Variants in FAT4 observed in about 807,000 individuals in gnomAD.
FAT4 encodes the protein protocadherin Fat 4.
FAT4 carries 84 observed loss-of-function variants against 303.9 expected under a neutral mutation model. That is an observed-to-expected ratio of 0.28 (90% CI 0.23 to 0.33). The LOEUF is 0.33. FAT4 is among the 10% of genes least tolerant of loss of function. The pLI is 1.00. For missense variants in FAT4, 6,005 were observed against 6,146.8 expected, an observed-to-expected ratio of 0.98 and a Z score of 0.77; for synonymous variants, 2,307 against 2,298.8, an observed-to-expected ratio of 1.00 and a Z score of -0.10.
intron 2 of FAT4, among the ~76,000 whole-genome samples, chr4:125,385,710 A>G (rs1488310746): frequency 6.6e-6 from 1 of 152,008 alleles, no homozygotes; most frequent in African/African-American, 2.4e-5. Context: ...TTTTTCCATT[A>G]CTCTGGAGTC....
intron 5 of FAT4, among the ~76,000 whole-genome samples, chr4:125,411,258 C>A (rs530085001): frequency 9.2e-5 from 14 of 151,998 alleles, no homozygotes; most frequent in African/African-American, 3.4e-4. Flanking sequence ...AAACATAAAT[C>A]AGATCTTTTA....
Position 125,449,419 on chromosome 4 carries a change from T to C in FAT4, c.8409T>C (p.Ile2803=), listed in dbSNP as rs1161792240. ...GTGTCACAACTTCTGATGAAGACAT[T>C]GGGATCAATGCAATTAGTAGATATT... ...VTRVTTSDED[I]GINAISRYSI... Residue 2803 remains isoleucine (I), a synonymous_variant, in exon 10 of 18, where the codon ATT becomes ATC. Coordinates refer to ENST00000394329, the MANE Select transcript of FAT4 (RefSeq NM_001291303.3). 6.2e-7 allele frequency: 1 copy of C among 1,613,822 alleles called. No homozygotes were observed. The highest frequency in any genetic ancestry group is 1.1e-5 in the South Asian group (1 of 91,058).
chr4:125,329,706 CCTAA>C (rs376525512), intron 2 of FAT4, among the ~76,000 whole-genome samples: 76 of 152,278 alleles, frequency 5.0e-4, no homozygotes, highest in Middle Eastern at 3.4e-3. Context: ...TGATTAGCTT[CCTAA>C]CTGATATTTT....
Position 125,415,271 on chromosome 4 carries a change from A to G in FAT4, c.6308A>G (p.Asp2103Gly), listed in dbSNP as rs112252276. The change falls in exon 6 of 18, where the codon GAT becomes GGT. Residue 2103 changes from aspartate (D) to glycine (G), a missense_variant. Transcript: ENST00000394329. ...AACAAGTTCAGTATTGGGACCATTG[A>G]TGGTGAAGTGAGGCTCACTGGAGAA... ...LGNKFSIGTI[D>G]GEVRLTGELD... 1.9e-6 allele frequency: 3 copies of G among 1,614,098 alleles called. No homozygotes were observed. The highest frequency in any genetic ancestry group is 2.5e-6 in the Non-Finnish European group (3 of 1,179,984).
chr4:125,440,733 C>G (rs1195963113), intron 8 of FAT4, among the ~76,000 whole-genome samples: 1 of 151,552 alleles, frequency 6.6e-6, no homozygotes, highest in Admixed American at 6.6e-5. Context: ...AATTTTGCAC[C>G]CATATTTATA....
chr4:125,459,713 C>G (rs1726417572), intron 10 of FAT4, among the ~76,000 whole-genome samples: 1 of 152,054 alleles, frequency 6.6e-6, no homozygotes, highest in Admixed American at 6.6e-5. Context: ...CAGCATACTT[C>G]CAAGCCTGAA....
At chr4:125,391,178 A>G (rs1365272273) in intron 2 of FAT4, among the ~76,000 whole-genome samples, 2 of 152,158 alleles carry the variant, frequency 1.3e-5, no homozygotes, top group African/African-American at 2.4e-5. Flanking sequence ...GTATATACCC[A>G]AAGGAATATA....
At chr4:125,443,909 T>C (rs1725743156) in intron 8 of FAT4, among the ~76,000 whole-genome samples, 1 of 152,172 alleles carries the variant, frequency 6.6e-6, no homozygotes, top group Admixed American at 6.6e-5. Context: ...TTTCTTCTAT[T>C]TTTAAAATTA....
chr4:125,481,129 ACAAAT>A (rs1727209663), intron 15 of FAT4, among the ~76,000 whole-genome samples: 1 of 152,198 alleles, frequency 6.6e-6, no homozygotes, highest in African/African-American at 2.4e-5. Flanking sequence ...ACTAAAGATT[ACAAAT>A]CATTTTAACC....
At chr4:125,385,038 T>TA (rs1733688714) in intron 2 of FAT4, among the ~76,000 whole-genome samples, 1 of 128,520 alleles carries the variant, frequency 7.8e-6, no homozygotes, top group African/African-American at 2.8e-5. Context: ...TTTTTTTTTT[T>TA]GAGATGGAGT....
At chr4:125,483,285 T>C (rs892609230) in intron 16 of FAT4, among the ~76,000 whole-genome samples, 1 of 152,088 alleles carries the variant, frequency 6.6e-6, no homozygotes, top group Non-Finnish European at 1.5e-5. Flanking sequence ...GTAAACAAAG[T>C]AAAGAAGCAA....
At chr4:125,391,632 G>T (rs1048501457) in intron 2 of FAT4, among the ~76,000 whole-genome samples, 4 of 151,966 alleles carry the variant, frequency 2.6e-5, no homozygotes, top group African/African-American at 9.7e-5. Context: ...CATGTATCCT[G>T]TTTTTCTTTT....
chr4:125,335,708 A>G (rs1731545552), intron 2 of FAT4, among the ~76,000 whole-genome samples: 1 of 151,656 alleles, frequency 6.6e-6, no homozygotes, highest in Non-Finnish European at 1.5e-5. Context: ...ATTCTTGAGT[A>G]CATCTGTTTT....
chr4:125,409,963 A>C (rs1289202135), intron 5 of FAT4, among the ~76,000 whole-genome samples: 1 of 152,136 alleles, frequency 6.6e-6, no homozygotes, highest in African/African-American at 2.4e-5. Flanking sequence ...GAATTGCCTT[A>C]TTCTTATGAC....
chr4:125,429,806 C>T (rs1725220614), intron 7 of FAT4, among the ~76,000 whole-genome samples: 1 of 152,184 alleles, frequency 6.6e-6, no homozygotes, highest in Non-Finnish European at 1.5e-5. Flanking sequence ...TCTTCAGTAA[C>T]TTGCAAGAGC....
intron 9 of FAT4, among the ~76,000 whole-genome samples, chr4:125,447,349 C>G (rs1295562542): frequency 6.6e-6 from 1 of 152,072 alleles, no homozygotes; most frequent in Admixed American, 6.6e-5. Flanking sequence ...AACAGATCCT[C>G]CTTTCAGTGA....
In FAT4 at chr4:125,319,108, T is replaced by C. The variant is rs1357110328; in HGVS notation, c.2697T>C (p.Ser899=). The C allele has an allele frequency of 1.2e-6, 2 of 1,613,660 alleles. No individual in the cohort carries two copies. The highest frequency in any genetic ancestry group is 1.7e-6 in the Non-Finnish European group (2 of 1,179,910). The part of the protein sequence containing the change: ...NSPHFLQAIE[S]VNVVENWQAG... Reference sequence around the variant, plus strand: ...CCCATTTCCTTCAGGCAATAGAGAGTGTAAATGTGGTGGAGAATTGGCAGG... The same window carrying C: ...CCCATTTCCTTCAGGCAATAGAGAGCGTAAATGTGGTGGAGAATTGGCAGG... The change falls in exon 2 of 18, where the codon AGT becomes AGC. Residue 899 remains serine, a synonymous_variant. Coordinates refer to ENST00000394329, the MANE Select transcript of FAT4 (RefSeq NM_001291303.3).
rs375593914 is a variant in FAT4 at position 125,422,754 on chromosome 4, A to C, written c.7018+6132A>C. ...GCACTGCTGTAAAAATACCAAAGTG[A>C]CTTTGGAACTGGGTAACTGGCAGAG... On this transcript the variant is annotated intron_variant, in intron 7 of 17. Transcript: ENST00000394329. Among the ~76,000 whole-genome samples the C allele has an allele frequency of 2.8e-4, 43 of 152,312 alleles. 1 individual carries two copies. Among genetic ancestry groups the C allele is most frequent in the African/African-American group, 9.9e-4 (41 of 41,568 alleles).
chr4:125,403,652 C>T (rs1734474160), intron 3 of FAT4, among the ~76,000 whole-genome samples: 1 of 152,066 alleles, frequency 6.6e-6, no homozygotes, highest in African/African-American at 2.4e-5. Context: ...TTCTTTAATC[C>T]CTAAATACAC....
Sources: allele counts gnomAD v4.1 joint callset (sites outside exome capture counted in the v4.1 genomes callset), GRCh38; gene constraint gnomAD v4.1.1; transcripts MANE v1.5; gene names NCBI Gene and HGNC (gene_info 2026-07-23, HGNC 2026-07-21).